Variants in GALNT13 observed in about 807,000 individuals in gnomAD.
GALNT13 encodes the protein UDP-GalNAc:polypeptide N-acetylgalactosaminyltransferase 13.
GALNT13 carries 28 observed loss-of-function variants against 64.2 expected under a neutral mutation model. That is an observed-to-expected ratio of 0.44 (90% CI 0.32 to 0.60). GALNT13 has a LOEUF of 0.60. Ranked by LOEUF, GALNT13 falls within the 20% of genes least tolerant of loss-of-function variation. The pLI is 0.05. For synonymous variants in GALNT13, 214 were observed against 224.6 expected, an observed-to-expected ratio of 0.95 and a Z score of 0.42; for missense variants, 577 against 669.8, an observed-to-expected ratio of 0.86 and a Z score of 1.53.
intron 8 of GALNT13, among the ~76,000 whole-genome samples, chr2:154,298,507 T>TG (rs1693089192): frequency 8.3e-6 from 1 of 120,084 alleles, no homozygotes; most frequent in African/African-American, 3.0e-5. Context: ...TATACATATA[T>TG]AAATTATATA....
the GALNT13 span, among the ~76,000 whole-genome samples, chr2:153,589,163 C>A: frequency 1.3e-5 from 2 of 152,074 alleles, no homozygotes; most frequent in East Asian, 1.9e-4. Context: ...AAAGAAATTT[C>A]TTCTGCTGGA....
Position 154,172,856 on chromosome 2 carries a change from G to A in GALNT13, c.311+32351G>A, listed in dbSNP as rs564227534. 7.2e-5 allele frequency among the ~76,000 whole-genome samples: 11 copies of A among 151,944 alleles called. No homozygotes were observed. In the South Asian group the frequency reaches 8.3e-4, roughly 11 times the overall value. Reference sequence around the variant, plus strand: ...AAAAATTGATAGATATTCTATGCTCGTGGATTGGAAGAATTAATATTGTTA... The same window carrying A: ...AAAAATTGATAGATATTCTATGCTCATGGATTGGAAGAATTAATATTGTTA... On this transcript the variant is annotated intron_variant, in intron 4 of 12. Transcript: ENST00000392825.
the GALNT13 span, among the ~76,000 whole-genome samples, chr2:153,514,975 G>C: frequency 1.3e-5 from 2 of 152,134 alleles, no homozygotes; most frequent in African/African-American, 2.4e-5. Context: ...AAATCCAGAA[G>C]ATGTTTATTG....
chr2:153,746,466 T>G, the GALNT13 span, among the ~76,000 whole-genome samples: 1 of 152,236 alleles, frequency 6.6e-6, no homozygotes, highest in Admixed American at 6.5e-5. Flanking sequence ...CCTGTAATGT[T>G]AAAGAGATTT....
the GALNT13 span, among the ~76,000 whole-genome samples, chr2:153,349,147 T>G: frequency 3.9e-5 from 6 of 152,246 alleles, no homozygotes; most frequent in Non-Finnish European, 7.4e-5. Context: ...TATCAGTTGT[T>G]GACTTCCTAA....
chr2:153,291,553 C>T, the GALNT13 span, among the ~76,000 whole-genome samples: 2 of 152,114 alleles, frequency 1.3e-5, no homozygotes, highest in Non-Finnish European at 2.9e-5. Context: ...CCCAGCTTTT[C>T]ATCCCCACCA....
intron 1 of GALNT13, among the ~76,000 whole-genome samples, chr2:153,899,121 G>A (rs1688066765): frequency 6.6e-6 from 1 of 152,112 alleles, no homozygotes; most frequent in African/African-American, 2.4e-5. Flanking sequence ...CATGGTGTGG[G>A]ACAAACGAAA....
the GALNT13 span, among the ~76,000 whole-genome samples, chr2:153,683,597 G>T: frequency 6.6e-6 from 1 of 151,550 alleles, no homozygotes; most frequent in Non-Finnish European, 1.5e-5. Flanking sequence ...TATCTAAGAC[G>T]ACATATTTTA....
chr2:153,460,719 TAAAC>T, the GALNT13 span, among the ~76,000 whole-genome samples: 15 of 152,028 alleles, frequency 9.9e-5, no homozygotes, highest in Non-Finnish European at 1.5e-4. Flanking sequence ...ATAACAAAAA[TAAAC>T]AACAGTGCAG....
intron 11 of GALNT13, among the ~76,000 whole-genome samples, chr2:154,430,169 C>T (rs11891484): frequency 0.024 from 3,656 of 152,244 alleles, 145 homozygotes; most frequent in African/African-American, 0.078. Context: ...AGAAATACGT[C>T]TTCTAAAGTT....
chr2:154,064,388 G>C (rs1700350476), intron 3 of GALNT13, among the ~76,000 whole-genome samples: 1 of 152,154 alleles, frequency 6.6e-6, no homozygotes, highest in South Asian at 2.1e-4. Flanking sequence ...GATCTAATGA[G>C]ACACTAGCCA....
At chr2:153,130,940 A>G in the GALNT13 span, among the ~76,000 whole-genome samples, 1 of 152,078 alleles carries the variant, frequency 6.6e-6, no homozygotes, top group Non-Finnish European at 1.5e-5. Context: ...GCATTGATGG[A>G]TTTTCCGCAT....
In GALNT13 at chr2:153,944,630, G is replaced by A; in HGVS notation, c.133G>A (p.Ala45Thr). ...CAAGAAGGAGAGATCTCTGCTGCCT[G>A]CATTGAGGGGTAAGTGCTTATGAAG... The part of the protein sequence containing the change: ...DDKKERSLLP[A>T]LRAVISRNQE... The change falls in exon 3 of 13, where the codon GCA becomes ACA. Residue 45 changes from alanine to threonine, a missense_variant. By Grantham distance (58) the Ala-to-Thr change is moderately conservative. This residue lies in a region of GALNT13 where 341 missense variants were observed against 379.3 expected (regional missense o/e 0.90). Transcript: ENST00000392825. 3 of 1,612,604 alleles carry A rather than the reference G, an allele frequency of 1.9e-6. No homozygotes were observed. Among genetic ancestry groups the A allele is most frequent in the Non-Finnish European group, 2.5e-6 (3 of 1,179,112 alleles).
chr2:153,318,089 G>A, the GALNT13 span, among the ~76,000 whole-genome samples: 2 of 147,382 alleles, frequency 1.4e-5, no homozygotes, highest in Admixed American at 1.4e-4. Context: ...TAATATCTTT[G>A]CAACCTAGGG....
At chr2:154,363,661 G>A (rs1697203912) in intron 9 of GALNT13, among the ~76,000 whole-genome samples, 1 of 152,172 alleles carries the variant, frequency 6.6e-6, no homozygotes, top group Non-Finnish European at 1.5e-5. Flanking sequence ...TTTTTCTGTA[G>A]GGAGTTTTTA....
chr2:153,871,651 G>A (rs748584304), upstream of GALNT13, among the ~76,000 whole-genome samples: 1 of 152,202 alleles, frequency 6.6e-6, no homozygotes, highest in Non-Finnish European at 1.5e-5. Context: ...TTGCTCTTGG[G>A]GGCCGTGCCT....
chr2:154,432,185 A>G (rs1700741478), intron 11 of GALNT13, among the ~76,000 whole-genome samples: 1 of 152,220 alleles, frequency 6.6e-6, no homozygotes. Context: ...CACATTATAA[A>G]ACACCTTTAT....
intron 4 of GALNT13, among the ~76,000 whole-genome samples, chr2:154,155,631 G>A (rs1191862898): frequency 6.6e-6 from 1 of 151,968 alleles, no homozygotes; most frequent in African/African-American, 2.4e-5. Context: ...TTGTTGACAT[G>A]AGAGATGTTA....
the GALNT13 span, among the ~76,000 whole-genome samples, chr2:153,440,440 A>G: frequency 6.6e-6 from 1 of 152,160 alleles, no homozygotes; most frequent in African/African-American, 2.4e-5. Flanking sequence ...TAGTTGAATG[A>G]TTTATAATCC....
Sources: gnomAD v4.1 joint callset for allele counts (sites outside exome capture counted in the v4.1 genomes callset) on GRCh38, gnomAD v4.1.1 for gene constraint, gnomAD v4.1.1 regional missense constraint, MANE v1.5 for transcripts, NCBI Gene and HGNC (gene_info 2026-07-23, HGNC 2026-07-21) for gene names.